The following GDA variants were observed in gnomAD, a reference collection of about 807,000 sequenced individuals.
GDA encodes cytoplasmic PSD-95 interactor.
Under a neutral mutation model 59.6 loss-of-function variants are expected in GDA, and 18 were observed. That is an observed-to-expected ratio of 0.30 (90% confidence interval 0.21 to 0.45). GDA has a LOEUF of 0.45. Among genes scored for constraint, GDA ranks in the 20% least tolerant of loss-of-function variants. The probability of loss-of-function intolerance (pLI) is 1.00; values close to 1 mark genes in which losing one functional copy is unlikely to be tolerated. For synonymous variants in GDA, 201 were observed against 201.1 expected, an observed-to-expected ratio of 1.00 and a Z score of 0.00; for missense variants, 427 against 552.3, an observed-to-expected ratio of 0.77 and a Z score of 2.27.
chr9:72,119,958 T>C (rs1825606486), intron 1 of GDA, among the ~76,000 whole-genome samples: 1 of 152,178 alleles, frequency 6.6e-6, no homozygotes, highest in South Asian at 2.1e-4. Context: ...TGGAACCACA[T>C]CTCTTAGAGC....
rs191034426 is a variant in GDA at position 72,219,530 on chromosome 9, G to A, written c.606+24G>A. 748 of 1,572,194 alleles carry A rather than the reference G, an allele frequency of 4.8e-4. 1 individual carries two copies. The African/African-American group carries it at 8.6e-3, about 18-fold the overall frequency. ...ACGTGAGTAACTTTGTTCAGAGCTC[G>A]CTTTTAGATTGCCTTTGCATTAGCT... On this transcript the variant is annotated intron_variant, in intron 6 of 13. Coordinates refer to ENST00000358399, the MANE Select transcript of GDA (RefSeq NM_004293.5).
At chr9:72,160,021 C>T (rs777303117) in intron 1 of GDA, among the ~76,000 whole-genome samples, 4 of 152,198 alleles carry the variant, frequency 2.6e-5, no homozygotes, top group Non-Finnish European at 4.4e-5. Context: ...ATTCATCAGC[C>T]GGGCGCGGTG....
Position 72,249,254 on chromosome 9 carries a change from G to T in GDA, c.*912G>T. On this transcript the variant is annotated 3_prime_UTR_variant, in exon 14 of 14. Transcript: ENST00000358399. ...GGGCAAATGCTGGCATCCAGGAGCCGCCAATACTAACAGGACAGGTTCCAT... is the reference window on the plus strand; with the variant it reads ...GGGCAAATGCTGGCATCCAGGAGCCTCCAATACTAACAGGACAGGTTCCAT... 1 of 985,096 alleles carries T rather than the reference G, an allele frequency of 1.0e-6. No homozygotes were observed. The highest frequency in any genetic ancestry group is 1.2e-6 in the Non-Finnish European group (1 of 829,738). 61.0% of individuals were successfully genotyped at this position (985,096 alleles called of 1,614,324 possible).
At chr9:72,177,948 C>T (rs1830729123) in intron 1 of GDA, among the ~76,000 whole-genome samples, 1 of 152,178 alleles carries the variant, frequency 6.6e-6, no homozygotes, top group Non-Finnish European at 1.5e-5. Context: ...GGTCCGATTC[C>T]CACCTCGCTA....
intron 11 of GDA, among the ~76,000 whole-genome samples, chr9:72,241,551 A>T (rs569190682): frequency 1.3e-5 from 2 of 152,296 alleles, no homozygotes; most frequent in Non-Finnish European, 2.9e-5. Flanking sequence ...TTTAATGGGT[A>T]TTACATTGGT....
chr9:72,162,158 A>G (rs1828711443), intron 1 of GDA, among the ~76,000 whole-genome samples: 1 of 152,140 alleles, frequency 6.6e-6, no homozygotes, highest in Non-Finnish European at 1.5e-5. Context: ...CAGAGCGTGG[A>G]CTCAATGGTC....
chr9:72,129,189 C>T (rs990991873), intron 1 of GDA, among the ~76,000 whole-genome samples: 8 of 152,180 alleles, frequency 5.3e-5, no homozygotes, highest in African/African-American at 1.9e-4. Flanking sequence ...TCTTGAAATC[C>T]TGACCTCAGG....
intron 1 of GDA, among the ~76,000 whole-genome samples, chr9:72,192,846 C>T (rs1564003829): frequency 6.6e-6 from 1 of 151,978 alleles, no homozygotes. Flanking sequence ...TGCCACTGCA[C>T]TGTAGCCTGG....
At chr9:72,234,323 T>A (rs1269168585) in intron 10 of GDA, among the ~76,000 whole-genome samples, 2 of 152,198 alleles carry the variant, frequency 1.3e-5, no homozygotes, top group African/African-American at 2.4e-5. Context: ...ATGTTTAATA[T>A]CTTAGTTTTT....
At chr9:72,192,797 T>C (rs1832716710) in intron 1 of GDA, among the ~76,000 whole-genome samples, 2 of 151,716 alleles carry the variant, frequency 1.3e-5, no homozygotes, top group African/African-American at 4.8e-5. Flanking sequence ...CAGGAATCAC[T>C]TGAACCCACG....
intron 1 of GDA, among the ~76,000 whole-genome samples, chr9:72,184,620 G>A (rs1412663406): frequency 6.6e-6 from 1 of 152,092 alleles, no homozygotes; most frequent in African/African-American, 2.4e-5. Context: ...GGACATCTTG[G>A]TTGCTTCCTA....
chr9:72,137,850 T>C (rs1470687841), intron 1 of GDA, among the ~76,000 whole-genome samples: 1 of 151,916 alleles, frequency 6.6e-6, no homozygotes, highest in Non-Finnish European at 1.5e-5. Flanking sequence ...AAGAATTAAA[T>C]AAAGAGGAGA....
At chr9:72,244,156 G>A (rs528244265) in intron 11 of GDA, among the ~76,000 whole-genome samples, 4 of 149,038 alleles carry the variant, frequency 2.7e-5, no homozygotes, top group South Asian at 4.2e-4. Context: ...CAGCCTAGGC[G>A]ACAGAGCAAG....
intron 1 of GDA, 95 bp downstream of exon 1, chr9:72,149,777 T>G: frequency 7.7e-7 from 1 of 1,292,598 alleles, no homozygotes; most frequent in Non-Finnish European, 1.0e-6. Flanking sequence ...GTTCGCTCGG[T>G]GCGCAGTGAG....
chr9:72,116,286 T>G (rs1025076473), intron 1 of GDA, among the ~76,000 whole-genome samples: 24 of 151,976 alleles, frequency 1.6e-4, no homozygotes, highest in Non-Finnish European at 5.9e-5. Context: ...GTTTCCTATA[T>G]AAGCATCAAG....
intron 1 of GDA, among the ~76,000 whole-genome samples, chr9:72,116,925 C>G (rs1049378085): frequency 6.6e-6 from 1 of 150,390 alleles, no homozygotes; most frequent in African/African-American, 2.5e-5. Flanking sequence ...TCCCTCCCCC[C>G]TCCCACCACC....
At position 72,213,819 on chromosome 9, in the gene GDA, A is replaced by G. The variant is rs1477991905; in HGVS notation, c.473-67A>G. 1.4e-4 allele frequency: 128 copies of G among 935,672 alleles called. No individual in the cohort carries two copies. In the East Asian group the frequency reaches 3.3e-3, roughly 24 times the overall value. The allele number at this position is 935,672 out of a possible 1,614,324, so 58.0% of individuals were successfully genotyped here. The stretch of plus-strand genomic sequence containing the variant: ...CTCCGTCTCAAAAAAAAAAAAAAAA[A>G]GAAAAAGAAAAAGTACTGTTTCAGA... On this transcript the variant is annotated intron_variant, in intron 4 of 13. Coordinates refer to ENST00000358399, the MANE Select transcript of GDA (RefSeq NM_004293.5).
chr9:72,201,184 T>G (rs999105536), intron 2 of GDA, among the ~76,000 whole-genome samples: 9 of 141,824 alleles, frequency 6.3e-5, no homozygotes, highest in African/African-American at 1.6e-4. Flanking sequence ...GGAAACTGAG[T>G]CACACAGAAT....
At chr9:72,178,893 T>G (rs887413872) in intron 1 of GDA, among the ~76,000 whole-genome samples, 2 of 152,226 alleles carry the variant, frequency 1.3e-5, no homozygotes, top group Non-Finnish European at 2.9e-5. Context: ...TTTAAAAATT[T>G]TCTGATACAT....
Sources: gnomAD v4.1 joint callset for allele counts (sites outside exome capture counted in the v4.1 genomes callset) on GRCh38, gnomAD v4.1.1 for gene constraint, MANE v1.5 for transcripts, NCBI Gene and HGNC (gene_info 2026-07-23, HGNC 2026-07-21) for gene names.